Variants in DLG2 observed in about 807,000 individuals in gnomAD.
DLG2 encodes discs large MAGUK scaffold protein 2.
A neutral mutation model predicts 132.5 loss-of-function variants in DLG2; 45 were observed. The observed-to-expected ratio is 0.34, with a 90% CI of 0.27 to 0.44. The LOEUF (loss-of-function observed/expected upper bound fraction) is 0.44, where lower values mean the gene tolerates loss of function less well. Ranked by LOEUF, DLG2 falls within the 20% of genes least tolerant of loss-of-function variation. DLG2 has a pLI of 1.00. For synonymous variants in DLG2, 424 were observed against 419.6 expected (o/e 1.01, Z -0.13); for missense variants, 1,045 against 1,196.9 (o/e 0.87, Z 1.87).
intron 11 of DLG2, among the ~76,000 whole-genome samples, chr11:84,007,057 C>T (rs1053831549): frequency 2.0e-5 from 3 of 151,804 alleles, no homozygotes; most frequent in Middle Eastern, 3.4e-3. Flanking sequence ...CTACCTCACT[C>T]GATCACCCTT....
chr11:85,466,794 T>C (rs910851327), intron 3 of DLG2, among the ~76,000 whole-genome samples: 67 of 152,124 alleles, frequency 4.4e-4, no homozygotes, highest in Non-Finnish European at 8.8e-4. Context: ...GCAATGTGGG[T>C]TCTTTTTTGG....
At chr11:84,976,869 AAAT>A (rs1224551972) in intron 6 of DLG2, among the ~76,000 whole-genome samples, 1 of 152,172 alleles carries the variant, frequency 6.6e-6, no homozygotes, top group African/African-American at 2.4e-5. Flanking sequence ...GAACCTCTGT[AAAT>A]AAGGAAAGAA....
intron 6 of DLG2, among the ~76,000 whole-genome samples, chr11:85,093,917 C>A (rs1369544040): frequency 6.6e-6 from 1 of 152,162 alleles, no homozygotes; most frequent in African/African-American, 2.4e-5. Context: ...CATTGCATCT[C>A]AAACCATACT....
chr11:84,122,762 A>C (rs1382189818), intron 9 of DLG2, among the ~76,000 whole-genome samples: 1 of 152,204 alleles, frequency 6.6e-6, no homozygotes, highest in East Asian at 1.9e-4. Flanking sequence ...TAGCAAATTA[A>C]ATTGCCCTTG....
chr11:84,813,620 A>G (rs2076803756), intron 6 of DLG2, among the ~76,000 whole-genome samples: 1 of 152,104 alleles, frequency 6.6e-6, no homozygotes, highest in East Asian at 1.9e-4. Flanking sequence ...GCTGACAGAG[A>G]ATGCAGGTGG....
chr11:85,313,709 T>C (rs72950186), intron 3 of DLG2, among the ~76,000 whole-genome samples: 3 of 152,002 alleles, frequency 2.0e-5, no homozygotes, highest in African/African-American at 7.2e-5. Context: ...CACAGCATCA[T>C]TGAAGGTAAA....
intron 22 of DLG2, among the ~76,000 whole-genome samples, chr11:83,476,755 A>C (rs1320659111): frequency 2.6e-5 from 4 of 152,164 alleles, no homozygotes; most frequent in African/African-American, 9.6e-5. Context: ...TTGGATTTGC[A>C]GTGCCACTAC....
intron 17 of DLG2, among the ~76,000 whole-genome samples, chr11:83,819,469 CAA>C (rs398016925): frequency 1.2e-3 from 33 of 28,128 alleles, no homozygotes; most frequent in Non-Finnish European, 1.7e-3. Context: ...GACTCTATCT[CAA>C]AAAAAAAAAA....
chr11:84,376,121 T>C (rs1207912579), intron 7 of DLG2, among the ~76,000 whole-genome samples: 1 of 152,002 alleles, frequency 6.6e-6, no homozygotes, highest in Non-Finnish European at 1.5e-5. Context: ...TAAATTATCA[T>C]CAATCTTTTC....
chr11:84,902,194 CA>C lies in DLG2; in HGVS notation c.357+209466del, dbSNP rs2090971667. Among the ~76,000 whole-genome samples the C allele has an allele frequency of 2.6e-5, 4 of 152,102 alleles. No individual in the cohort carries two copies. In the South Asian group the frequency reaches 8.3e-4, roughly 32 times the overall value. On this transcript the variant is annotated intron_variant, in intron 6 of 27. Coordinates refer to ENST00000376104, the MANE Select transcript of DLG2 (RefSeq NM_001142699.3). ...CACTCCATGGGAGATGACTCAGTGG[CA>C]ACATACTTGCTTACAGTTACTACAA... is the stretch of plus-strand genomic sequence containing the variant.
intron 6 of DLG2, among the ~76,000 whole-genome samples, chr11:84,622,416 C>A (rs1021286551): frequency 6.6e-6 from 1 of 152,126 alleles, no homozygotes; most frequent in Non-Finnish European, 1.5e-5. Context: ...ATCAGACCAA[C>A]TACAAACATT....
chr11:85,262,157 T>C (rs2076975370), intron 4 of DLG2, among the ~76,000 whole-genome samples: 1 of 152,172 alleles, frequency 6.6e-6, no homozygotes, highest in African/African-American at 2.4e-5. Flanking sequence ...CAGAACAGTG[T>C]TGGGGACAAG....
chr11:83,780,267 C>T (rs1594232081), intron 18 of DLG2, among the ~76,000 whole-genome samples: 1 of 152,124 alleles, frequency 6.6e-6, no homozygotes, highest in Non-Finnish European at 1.5e-5. Flanking sequence ...GGATAAATTG[C>T]ATATTCATGT....
At chr11:83,563,056 G>A (rs953073504) in intron 19 of DLG2, among the ~76,000 whole-genome samples, 5 of 140,632 alleles carry the variant, frequency 3.6e-5, no homozygotes, top group African/African-American at 1.3e-4. Flanking sequence ...CTCACTGCAA[G>A]CTCCACCTCC....
chr11:85,030,613 T>C (rs1234938150), intron 6 of DLG2, among the ~76,000 whole-genome samples: 1 of 152,162 alleles, frequency 6.6e-6, no homozygotes, highest in Non-Finnish European at 1.5e-5. Flanking sequence ...AAAGTTCCCT[T>C]TACTCCTATT....
Position 83,517,635 on chromosome 11 carries a change from T to G in DLG2, c.2193+15073A>C, listed in dbSNP as rs980859840. On this transcript the variant is annotated intron_variant, in intron 21 of 27. Transcript: ENST00000376104. ...TTTTCAGTTTTTCTGCTCTGTTTTT[T>G]CCCCATCTTTGTGGTTTTATCTACC... 2.0e-4 allele frequency among the ~76,000 whole-genome samples: 30 copies of G among 152,314 alleles called. 1 individual carries two copies. Among genetic ancestry groups the G allele is most frequent in the African/African-American group, 5.5e-4 (23 of 41,564 alleles).
chr11:84,278,759 G>A (rs1028261270), intron 7 of DLG2, among the ~76,000 whole-genome samples: 1 of 151,682 alleles, frequency 6.6e-6, no homozygotes, highest in Admixed American at 6.6e-5. Flanking sequence ...TGAACACCTC[G>A]TTAACTATTT....
chr11:83,936,915 T>A (rs1210252757), intron 14 of DLG2, among the ~76,000 whole-genome samples: 2 of 152,182 alleles, frequency 1.3e-5, no homozygotes, highest in Admixed American at 1.3e-4. Flanking sequence ...TTTAAACAAA[T>A]ATAGTCTAAG....
intron 5 of DLG2, among the ~76,000 whole-genome samples, chr11:85,147,076 C>T (rs1415985068): frequency 6.6e-6 from 1 of 152,210 alleles, no homozygotes; most frequent in African/African-American, 2.4e-5. Flanking sequence ...TTTCTGAATA[C>T]ATGCCATCGG....
Sources: allele counts gnomAD v4.1 joint callset (sites outside exome capture counted in the v4.1 genomes callset), GRCh38; gene constraint gnomAD v4.1.1; transcripts MANE v1.5; gene names NCBI Gene and HGNC (gene_info 2026-07-23, HGNC 2026-07-21).